RAPGEF5: variants seen among roughly 807,000 people sequenced by gnomAD.
RAPGEF5 encodes M-Ras-regulated GEF.
Under a neutral mutation model 125.2 loss-of-function variants are expected in RAPGEF5, and 65 were observed. The observed-to-expected ratio is 0.52, with a 90% confidence interval of 0.43 to 0.64. The LOEUF is 0.64. Among genes scored for constraint, RAPGEF5 ranks in the 30% least tolerant of loss-of-function variants. The pLI is 0.00. For missense variants in RAPGEF5, 958 were observed against 1,048.1 expected (o/e 0.91, Z 1.19); for synonymous variants, 391 against 385.9 (o/e 1.01, Z -0.16).
chr7:22,259,300 A>G (rs1782088542), intron 7 of RAPGEF5, among the ~76,000 whole-genome samples: 1 of 152,236 alleles, frequency 6.6e-6, no homozygotes, highest in Non-Finnish European at 1.5e-5. Context: ...AGATATCACT[A>G]CACATCTATT....
intron 7 of RAPGEF5, among the ~76,000 whole-genome samples, chr7:22,252,787 G>A (rs1786657395): frequency 6.6e-6 from 1 of 152,126 alleles, no homozygotes; most frequent in Non-Finnish European, 1.5e-5. Context: ...GGGAGAGTTA[G>A]AAAAAATTTA....
chr7:22,282,063 A>G (rs1782684056), intron 6 of RAPGEF5, among the ~76,000 whole-genome samples: 1 of 152,112 alleles, frequency 6.6e-6, no homozygotes, highest in African/African-American at 2.4e-5. Context: ...AATATTTTCT[A>G]TTCATTCATA....
chr7:22,209,706 A>G (rs1373848780), intron 9 of RAPGEF5, among the ~76,000 whole-genome samples: 1 of 152,118 alleles, frequency 6.6e-6, no homozygotes, highest in Non-Finnish European at 1.5e-5. Flanking sequence ...TAGGTAGGGG[A>G]GGAGTAGTTC....
chr7:22,150,574 A>G (rs1783596435), intron 17 of RAPGEF5, 70 bp from the exon 18 acceptor site: 6 of 1,508,968 alleles, frequency 4.0e-6, no homozygotes, highest in Admixed American at 4.5e-5. Context: ...AGGCCTACAC[A>G]GTACACTTAA....
At chr7:22,296,615 C>T (rs1215231242) in intron 5 of RAPGEF5, among the ~76,000 whole-genome samples, 1 of 152,158 alleles carries the variant, frequency 6.6e-6, no homozygotes, top group African/African-American at 2.4e-5. Context: ...ATGTTATGAG[C>T]TCTGGAGTGG....
chr7:22,193,237 G>T, intron 11 of RAPGEF5, 130 bp downstream of exon 11: 1 of 972,038 alleles, frequency 1.0e-6, no homozygotes, highest in Non-Finnish European at 1.5e-6. Flanking sequence ...GGCAAGGGAC[G>T]AGTCGCACAA....
In RAPGEF5 at chr7:22,291,180, A is replaced by G. The variant is rs1309647162; in HGVS notation, c.742T>C (p.Ser248Pro). The G allele has an allele frequency of 6.3e-7, 1 of 1,591,756 alleles. No homozygotes were observed. Among genetic ancestry groups the G allele is most frequent in the African/African-American group, 1.3e-5 (1 of 74,212 alleles). The change falls in exon 6 of 26, where the codon TCT becomes CCT. Residue 248 changes from serine to proline, a missense_variant. Transcript: ENST00000665637. ...SSDEILVRLT[S>P]AVQRELAAVI... The stretch of plus-strand genomic sequence containing the variant: ...GGAAAATTGCATGGTCTTACCGCAG[A>G]TGTTAGACGCACAAGAATTTCATCA...
At chr7:22,126,689 C>T (rs1782755769) in intron 24 of RAPGEF5, among the ~76,000 whole-genome samples, 1 of 152,130 alleles carries the variant, frequency 6.6e-6, no homozygotes, top group Admixed American at 6.5e-5. Context: ...TCTTGGCTCA[C>T]TGCAACCTCT....
intron 11 of RAPGEF5, among the ~76,000 whole-genome samples, chr7:22,172,931 A>G (rs946696433): frequency 1.8e-4 from 28 of 152,232 alleles, no homozygotes; most frequent in African/African-American, 6.5e-4. Flanking sequence ...TTTGACAGGC[A>G]ACTGCCTATA....
At chr7:22,343,958 G>A (rs575825601) in intron 1 of RAPGEF5, among the ~76,000 whole-genome samples, 9 of 152,088 alleles carry the variant, frequency 5.9e-5, no homozygotes, top group Non-Finnish European at 1.3e-4. Context: ...GAGAAGGAAT[G>A]CCAATTCCTC....
In RAPGEF5 at chr7:22,278,374, T is replaced by A. The variant is rs114459880; in HGVS notation, c.748-11362A>T. ...TTTACATCTCATCACCACCACACAA[T>A]GTGTGTAATCTGGAAAATCTATAAT... On this transcript the variant is annotated intron_variant, in intron 6 of 25. Coordinates refer to ENST00000665637, the MANE Select transcript of RAPGEF5 (RefSeq NM_012294.5). Among the ~76,000 whole-genome samples, 1,424 of 152,278 alleles carry A rather than the reference T, an allele frequency of 9.4e-3. 37 individuals are homozygous for A. Among genetic ancestry groups the A allele is most frequent in the African/African-American group, 0.032 (1,347 of 41,548 alleles).
chr7:22,238,275 T>C, intron 7 of RAPGEF5, among the ~76,000 whole-genome samples: 1 of 152,346 alleles, frequency 6.6e-6, no homozygotes, highest in Non-Finnish European at 1.5e-5. Flanking sequence ...TTCTTGGAAT[T>C]TAGCAATTCA....
At position 22,119,984 on chromosome 7, in the gene RAPGEF5, T is replaced by C. The variant is rs1484939571; in HGVS notation, c.*2422A>G. 6.6e-6 allele frequency: 1 copy of C among 152,246 alleles called. No homozygotes were observed. Among genetic ancestry groups the C allele is most frequent in the African/African-American group, 2.4e-5 (1 of 41,466 alleles). 9.4% of individuals were successfully genotyped at this position (152,246 alleles called of 1,614,324 possible). The stretch of plus-strand genomic sequence containing the variant: ...GTTCTCACAATTCGGGCTTGAATTC[T>C]TTAATTCCAGATCTAAGATTCTGCA... On this transcript the variant is annotated 3_prime_UTR_variant, in exon 26 of 26. Coordinates refer to ENST00000665637, the MANE Select transcript of RAPGEF5 (RefSeq NM_012294.5). The surrounding 1 kb of genome is among the most constrained non-coding windows in gnomAD (Gnocchi z 4.1).
intron 23 of RAPGEF5, among the ~76,000 whole-genome samples, chr7:22,131,914 G>A (rs998612061): frequency 6.6e-6 from 1 of 152,156 alleles, no homozygotes; most frequent in Non-Finnish European, 1.5e-5. Context: ...GAGAGTGGAT[G>A]ACTTAGCCAT....
rs979839808 is a variant in RAPGEF5, at chr7:22,230,708, T to A, written c.870+138A>T. On this transcript the variant is annotated intron_variant, in intron 8 of 25. Transcript: ENST00000665637. The stretch of plus-strand genomic sequence containing the variant: ...GTGTGAAATACCTTTATATCAAAAC[T>A]GAGCACTTTATTCCCAATAACATGG... 42 of 737,122 alleles carry A rather than the reference T, an allele frequency of 5.7e-5. 1 individual carries two copies. Among genetic ancestry groups the A allele is most frequent in the Non-Finnish European group, 1.3e-5 (6 of 458,252 alleles). 45.7% of individuals were successfully genotyped at this position (737,122 alleles called of 1,614,324 possible). A position where few individuals can be genotyped will look rare whatever the true frequency, so the allele number is the denominator to read the frequency against.
intron 9 of RAPGEF5, chr7:22,194,582 T>C (rs1785102151): frequency 1.0e-6 from 1 of 984,566 alleles, no homozygotes; most frequent in Non-Finnish European, 1.2e-6. Flanking sequence ...CATCATTCAA[T>C]TCAATTTTTT....
intron 12 of RAPGEF5, among the ~76,000 whole-genome samples, chr7:22,166,078 G>C (rs6965976): frequency 6.9e-6 from 1 of 145,912 alleles, no homozygotes; most frequent in Admixed American, 7.0e-5. Flanking sequence ...ACATATATAT[G>C]TATCATATAT....
At chr7:22,139,316 G>T (rs2128103066) in intron 21 of RAPGEF5, among the ~76,000 whole-genome samples, 1 of 152,288 alleles carries the variant, frequency 6.6e-6, no homozygotes, top group Non-Finnish European at 1.5e-5. Context: ...GTGGTACATA[G>T]GGAGGTAGCC....
chr7:22,274,454 C>T (rs1038308059), intron 6 of RAPGEF5, among the ~76,000 whole-genome samples: 1 of 151,782 alleles, frequency 6.6e-6, no homozygotes, highest in African/African-American at 2.4e-5. Flanking sequence ...CTCAGCCTCC[C>T]GAGTACCTGA....
Sources: gnomAD v4.1 joint callset for allele counts (sites outside exome capture counted in the v4.1 genomes callset) on GRCh38, gnomAD v4.1.1 for gene constraint, Gnocchi (gnomAD v3.1) non-coding constraint, MANE v1.5 for transcripts, NCBI Gene and HGNC (gene_info 2026-07-23, HGNC 2026-07-21) for gene names.